PET100: variants seen among roughly 807,000 people sequenced by gnomAD.
PET100 encodes PET100 cytochrome c oxidase chaperone.
In PET100, 13 loss-of-function variants were observed where a neutral mutation model predicts 13.6. That is an observed-to-expected ratio of 0.96 (90% CI 0.62 to 1.52). PET100 has a LOEUF of 1.52. PET100 is among the 40% of genes most tolerant of loss of function. The pLI, the probability that PET100 is intolerant of heterozygous loss-of-function variation, is 0.00. For synonymous variants in PET100, 28 were observed against 30.8 expected (o/e 0.91, Z 0.30); for missense variants, 94 against 95.3 (o/e 0.99, Z 0.06).
intron 1 of PET100, 180 bp from the exon 2 acceptor site, chr19:7,630,393 T>G: frequency 1.7e-6 from 1 of 602,358 alleles, no homozygotes; most frequent in Non-Finnish European, 3.0e-6. Flanking sequence ...GCCTCCTGGA[T>G]TATAGGAGTT....
Position 7,630,617 on chromosome 19 carries a change from C to T in PET100, c.72C>T (p.Ser24=). 6.5e-7 allele frequency: 1 copy of T among 1,537,204 alleles called. No homozygotes were observed. The highest frequency in any genetic ancestry group is 2.4e-5 in the East Asian group (1 of 40,914). The change falls in exon 2 of 4, where the codon TCC becomes TCT. Residue 24 remains serine (S), a synonymous_variant. Transcript: ENST00000594797. ...LTFPVAMFWV[S]NQAEWFEDDV... ...TCCCTGTGGCTATGTTCTGGGTTTC[C>T]AATCAGGCCGAGTGGTTTGAGGACG...
Position 7,631,804 on chromosome 19 carries a change from C to T in PET100, c.*248C>T, listed in dbSNP as rs2146195057. On this transcript the variant is annotated 3_prime_UTR_variant, in exon 4 of 4. Transcript: ENST00000594797. ...GAGGGTCCCAGCTCGTTTCTGTGCT[C>T]CGTCCTGTGGATGAAGAGGGGTCAG... 1 of 1,412,012 alleles carries T rather than the reference C, an allele frequency of 7.1e-7. No individual in the cohort carries two copies. The highest frequency in any genetic ancestry group is 1.9e-5 in the South Asian group (1 of 53,988). The allele number at this position is 1,412,012 out of a possible 1,614,324, so 87.5% of individuals were successfully genotyped here.
At chr19:7,630,030 TG>T (rs1157789840) in intron 1 of PET100, 170 bp downstream of exon 1, 27 of 573,586 alleles carry the variant, frequency 4.7e-5, no homozygotes, top group East Asian at 1.3e-4. Flanking sequence ...GACGCTGGGC[TG>T]GGGGGGTTCT....
rs771200237 is a variant in PET100 at position 7,630,552 on chromosome 19, A to C, written c.28-21A>C. The stretch of plus-strand genomic sequence containing the variant: ...ACATTGCTTGGGGGGAGCTCACCTC[A>C]CCCACCCTCTGCCATTCCAGATGAT... On this transcript the variant is annotated intron_variant, in intron 1 of 3. Coordinates refer to ENST00000594797, the MANE Select transcript of PET100 (RefSeq NM_001171155.2). 16 of 1,524,018 alleles carry C rather than the reference A, an allele frequency of 1.0e-5. No homozygotes were observed. In the South Asian group the frequency reaches 1.9e-4, roughly 18 times the overall value. 94.4% of individuals were successfully genotyped at this position (1,524,018 alleles called of 1,614,324 possible). A position where few individuals can be genotyped will look rare whatever the true frequency, so the allele number is the denominator to read the frequency against.
intron 1 of PET100, 67 bp downstream of exon 1, chr19:7,629,927 G>A: frequency 7.0e-7 from 1 of 1,438,410 alleles, no homozygotes; most frequent in Middle Eastern, 1.8e-4. Context: ...AGATGAGGTT[G>A]GAAATGGGGG....
rs2031258171 is a variant in PET100 at position 7,630,590 on chromosome 19, T to C, written c.45T>C (p.Thr15=). Residue 15 remains threonine (T), a synonymous_variant, in exon 2 of 4, where the codon ACT becomes ACC. Transcript: ENST00000594797. ...LEIFRMIIYL[T]FPVAMFWVSN... is the part of the protein sequence containing the mutation. Reference sequence around the variant, plus strand: ...CATTCCAGATGATAATCTACCTCACTTTCCCTGTGGCTATGTTCTGGGTTT... The same window carrying C: ...CATTCCAGATGATAATCTACCTCACCTTCCCTGTGGCTATGTTCTGGGTTT... 1 of 1,537,038 alleles carries C rather than the reference T, an allele frequency of 6.5e-7. No homozygotes were observed. Among genetic ancestry groups the C allele is most frequent in the Non-Finnish European group, 8.7e-7 (1 of 1,146,816 alleles).
At position 7,629,972 on chromosome 19, in the gene PET100, C is replaced by T; in HGVS notation, c.27+112C>T. The T allele has an allele frequency of 3.1e-6, 4 of 1,287,182 alleles. No homozygotes were observed. In the South Asian group the frequency reaches 4.8e-5, roughly 15 times the overall value. 79.7% of individuals were successfully genotyped at this position (1,287,182 alleles called of 1,614,324 possible). On this transcript the variant is annotated intron_variant, in intron 1 of 3. Transcript: ENST00000594797. ...GGAAGAGGGAGCTCCAAGGAGAAAG[C>T]TCTTAAGATTTGAGAGGAACCTTTC...
At position 7,631,839 on chromosome 19, in the gene PET100, G is replaced by A. The variant is rs951872381; in HGVS notation, c.*283G>A. ...GATGAAGAGGGGTCAGCCAGGGGGAGGGCTCAAGGGCAGTGCCGGCCACAG... is the reference window on the plus strand; with the variant it reads ...GATGAAGAGGGGTCAGCCAGGGGGAAGGCTCAAGGGCAGTGCCGGCCACAG... On this transcript the variant is annotated 3_prime_UTR_variant, in exon 4 of 4. Coordinates refer to ENST00000594797, the MANE Select transcript of PET100 (RefSeq NM_001171155.2). 1.5e-6 allele frequency: 2 copies of A among 1,378,998 alleles called. No homozygotes were observed. The highest frequency in any genetic ancestry group is 1.9e-6 in the Non-Finnish European group (2 of 1,060,426). 85.4% of individuals were successfully genotyped at this position (1,378,998 alleles called of 1,614,324 possible). A position where few individuals can be genotyped will look rare whatever the true frequency, so the allele number is the denominator to read the frequency against.
At chr19:7,630,721 G>C (rs919364111) in intron 2 of PET100, 62 bp downstream of exon 2, 1 of 1,531,904 alleles carries the variant, frequency 6.5e-7, no homozygotes. Flanking sequence ...TGGGGCAGCA[G>C]TCTGCTGGGG....
chr19:7,631,143 G>T, intron 3 of PET100: 1 of 908,518 alleles, frequency 1.1e-6, no homozygotes, highest in East Asian at 2.9e-5. Flanking sequence ...AGGAGGTGGA[G>T]GTTGCAGTGA....
intron 3 of PET100, 197 bp from the exon 4 acceptor site, chr19:7,631,276 T>C (rs1313967081): frequency 2.1e-6 from 3 of 1,413,690 alleles, no homozygotes; most frequent in Non-Finnish European, 2.8e-6. Flanking sequence ...GGTTTCCTTA[T>C]TGCCTTCTCC....
In PET100 at chr19:7,629,821, C is replaced by A. The variant is rs1271688330; in HGVS notation, c.-13C>A. The A allele has an allele frequency of 5.9e-6, 9 of 1,536,514 alleles. No homozygotes were observed. The highest frequency in any genetic ancestry group is 7.8e-6 in the Non-Finnish European group (9 of 1,146,736). On this transcript the variant is annotated 5_prime_UTR_variant, in exon 1 of 4. Transcript: ENST00000594797. ...TTTGGGCGGAACTGGCTTTGTTGAC[C>A]GGGAGAAACGAGATGGGGGTGAAGC...
Position 7,630,660 on chromosome 19 carries a change from G to T in PET100, c.114+1G>T. ...TGAGGACGATGTCATACAGCGCAAG[G>T]TGGGCATAAGAGGAGTGTTTGAGGG... On this transcript the variant is annotated splice_donor_variant, in intron 2 of 3. Coordinates refer to ENST00000594797, the MANE Select transcript of PET100 (RefSeq NM_001171155.2). LOFTEE classifies it high-confidence loss of function. 2 of 1,536,922 alleles carry T rather than the reference G, an allele frequency of 1.3e-6. No individual in the cohort carries two copies.
At chr19:7,629,943 C>A (rs1460662716) in intron 1 of PET100, 83 bp downstream of exon 1, 5 of 1,401,400 alleles carry the variant, frequency 3.6e-6, no homozygotes, top group Non-Finnish European at 4.7e-6. Context: ...GGGGGGACTT[C>A]AAAGGAAGAG....
chr19:7,631,833 G>A lies in PET100; in HGVS notation c.*277G>A, dbSNP rs779216093. ...CCTGTGGATGAAGAGGGGTCAGCCA[G>A]GGGGAGGGCTCAAGGGCAGTGCCGG... On this transcript the variant is annotated 3_prime_UTR_variant, in exon 4 of 4. Coordinates refer to ENST00000594797, the MANE Select transcript of PET100 (RefSeq NM_001171155.2). The A allele has an allele frequency of 4.8e-5, 67 of 1,384,440 alleles. No homozygotes were observed. The highest frequency in any genetic ancestry group is 6.0e-5 in the Non-Finnish European group (64 of 1,063,454). The allele number at this position is 1,384,440 out of a possible 1,614,324, so 85.8% of individuals were successfully genotyped here.
At chr19:7,630,008 T>G in intron 1 of PET100, 148 bp downstream of exon 1, 3 of 940,326 alleles carry the variant, frequency 3.2e-6, no homozygotes, top group Non-Finnish European at 4.3e-6. Context: ...TGGTTGGAAA[T>G]CCAGGAGAGG....
rs1311193105 is a variant in PET100 at position 7,630,584 on chromosome 19, C to T, written c.39C>T (p.Tyr13=). 1 of 1,536,998 alleles carries T rather than the reference C, an allele frequency of 6.5e-7. No homozygotes were observed. Among genetic ancestry groups the T allele is most frequent in the Non-Finnish European group, 8.7e-7 (1 of 1,146,674 alleles). Reference sequence around the variant, plus strand: ...CTCTGCCATTCCAGATGATAATCTACCTCACTTTCCCTGTGGCTATGTTCT... The same window carrying T: ...CTCTGCCATTCCAGATGATAATCTATCTCACTTTCCCTGTGGCTATGTTCT... ...VKLEIFRMII[Y]LTFPVAMFWV... is the part of the protein sequence containing the mutation. The change falls in exon 2 of 4, where the codon TAC becomes TAT. Residue 13 remains tyrosine (Y), a synonymous_variant. Coordinates refer to ENST00000594797, the MANE Select transcript of PET100 (RefSeq NM_001171155.2).
Position 7,630,679 on chromosome 19 carries a change from T to C in PET100, c.114+20T>C. ...CGCAAGGTGGGCATAAGAGGAGTGT[T>C]TGAGGGTTCATTCCAGGGGTGGGAG... is the stretch of plus-strand genomic sequence containing the variant. On this transcript the variant is annotated intron_variant, in intron 2 of 3. Transcript: ENST00000594797. The C allele has an allele frequency of 4.6e-6, 7 of 1,535,546 alleles. No individual in the cohort carries two copies. The highest frequency in any genetic ancestry group is 6.1e-6 in the Non-Finnish European group (7 of 1,145,388).
chr19:7,630,929 G>T, intron 3 of PET100, 83 bp downstream of exon 3: 1 of 1,503,764 alleles, frequency 6.6e-7, no homozygotes, highest in Non-Finnish European at 9.0e-7. Context: ...AAAATTTTAG[G>T]CCAGGCGCAG....
Sources: allele counts gnomAD v4.1 joint callset, GRCh38; gene constraint gnomAD v4.1.1; transcripts MANE v1.5; gene names NCBI Gene and HGNC (gene_info 2026-07-23, HGNC 2026-07-21).